The following FSHR variants were observed in gnomAD, a reference collection of about 807,000 sequenced individuals.
FSHR encodes follicle stimulating hormone receptor.
FSHR carries 46 observed loss-of-function variants against 52.1 expected under a neutral mutation model. The ratio of observed to expected loss-of-function variants is 0.88; its 90% confidence interval spans 0.70 to 1.13. The LOEUF (loss-of-function observed/expected upper bound fraction) is 1.13, where lower values mean the gene tolerates loss of function less well. Among genes scored for constraint, FSHR ranks in the 50% most tolerant of loss-of-function variants. The pLI is 0.00. For synonymous variants in FSHR, 399 were observed against 309.6 expected, an observed-to-expected ratio of 1.29 and a Z score of -3.03; for missense variants, 964 against 834.6, an observed-to-expected ratio of 1.16 and a Z score of -1.91.
chr2:48,965,461 A>G (rs1003494529), intron 9 of FSHR, among the ~76,000 whole-genome samples: 6 of 152,176 alleles, frequency 3.9e-5, no homozygotes, highest in African/African-American at 1.2e-4. Flanking sequence ...GGTTTAGTCA[A>G]TGGTCTTCCA....
At chr2:49,064,982 T>G (rs1276065014) in intron 2 of FSHR, among the ~76,000 whole-genome samples, 1 of 152,086 alleles carries the variant, frequency 6.6e-6, no homozygotes, top group African/African-American at 2.4e-5. Flanking sequence ...AAAGTATATT[T>G]TGTTCATTTG....
At chr2:48,976,213 C>T (rs4355167) in intron 8 of FSHR, among the ~76,000 whole-genome samples, 78,997 of 151,942 alleles carry the variant, frequency 0.52, 22,388 homozygotes, top group Non-Finnish European at 0.64. Flanking sequence ...TGAATTTTGT[C>T]GAAGGCATTT....
intron 8 of FSHR, among the ~76,000 whole-genome samples, chr2:48,973,937 C>CAGACATTATTAAG (rs61107875): frequency 0.041 from 6,185 of 151,922 alleles, 428 homozygotes; most frequent in African/African-American, 0.13. Context: ...GCCCTGAGAG[C>CAGACATTATTAAG]AGGCTTTTGT....
chr2:48,998,332 A>G (rs1676116074), intron 4 of FSHR, among the ~76,000 whole-genome samples: 1 of 152,132 alleles, frequency 6.6e-6, no homozygotes, highest in Non-Finnish European at 1.5e-5. Context: ...ATTGGGAAAC[A>G]TGTATGGAAA....
intron 1 of FSHR, among the ~76,000 whole-genome samples, chr2:49,100,070 C>T (rs1558440970): frequency 6.6e-6 from 1 of 152,096 alleles, no homozygotes; most frequent in Non-Finnish European, 1.5e-5. Flanking sequence ...ATTGCAGGCT[C>T]TTTTACACGT....
At chr2:49,035,228 GA>G (rs1274563495) in intron 2 of FSHR, among the ~76,000 whole-genome samples, 2 of 152,242 alleles carry the variant, frequency 1.3e-5, no homozygotes, top group Non-Finnish European at 2.9e-5. Flanking sequence ...GACAGGGACA[GA>G]AATGTTAACA....
intron 4 of FSHR, among the ~76,000 whole-genome samples, chr2:49,015,928 T>G (rs1294793624): frequency 6.6e-6 from 1 of 152,208 alleles, no homozygotes; most frequent in Non-Finnish European, 1.5e-5. Flanking sequence ...TGTGTGCCCA[T>G]GAAGCCAGCC....
intron 1 of FSHR, among the ~76,000 whole-genome samples, chr2:49,113,266 C>T (rs1671487132): frequency 6.6e-6 from 1 of 152,126 alleles, no homozygotes; most frequent in Admixed American, 6.6e-5. Context: ...TATCTCATCG[C>T]CAAAACAGGG....
chr2:49,081,889 T>G (rs1670182923), intron 1 of FSHR, among the ~76,000 whole-genome samples: 1 of 152,172 alleles, frequency 6.6e-6, no homozygotes, highest in Non-Finnish European at 1.5e-5. Flanking sequence ...ATAGAAAGCT[T>G]TCTGGCAGTC....
intron 2 of FSHR, among the ~76,000 whole-genome samples, chr2:49,040,784 C>T (rs1233647323): frequency 6.6e-6 from 1 of 152,064 alleles, no homozygotes; most frequent in African/African-American, 2.4e-5. Context: ...ATAAAAGGGA[C>T]TGTAAAATAA....
intron 1 of FSHR, among the ~76,000 whole-genome samples, chr2:49,113,636 T>G (rs1424478791): frequency 6.6e-6 from 1 of 152,210 alleles, no homozygotes; most frequent in Admixed American, 6.5e-5. Flanking sequence ...TTTCTTCATT[T>G]TTTATTTTCC....
At chr2:49,075,472 T>C (rs1669916484) in intron 1 of FSHR, among the ~76,000 whole-genome samples, 1 of 151,966 alleles carries the variant, frequency 6.6e-6, no homozygotes, top group Admixed American at 6.6e-5. Context: ...AGCTAATTCT[T>C]TGGAAGGATT....
chr2:49,012,050 A>G (rs1471717712), intron 4 of FSHR, among the ~76,000 whole-genome samples: 1 of 152,132 alleles, frequency 6.6e-6, no homozygotes, highest in East Asian at 1.9e-4. Context: ...AACAGGCATC[A>G]TAAGGAGGTC....
At chr2:49,059,241 C>T (rs1370339386) in intron 2 of FSHR, among the ~76,000 whole-genome samples, 1 of 151,900 alleles carries the variant, frequency 6.6e-6, no homozygotes, top group African/African-American at 2.4e-5. Flanking sequence ...CAGCCAACAA[C>T]AATGCCGTCA....
chr2:49,112,279 A>G (rs1044809872), intron 1 of FSHR, among the ~76,000 whole-genome samples: 4 of 152,098 alleles, frequency 2.6e-5, no homozygotes, highest in Non-Finnish European at 5.9e-5. Context: ...GGGAAATGCC[A>G]TTTTTTTCCC....
chr2:48,997,003 A>T (rs1342767264), intron 4 of FSHR, among the ~76,000 whole-genome samples: 1 of 152,104 alleles, frequency 6.6e-6, no homozygotes, highest in African/African-American at 2.4e-5. Context: ...AGATGCTAAC[A>T]TATGCTTTCT....
chr2:49,135,335 T>C (rs952087940), intron 1 of FSHR, among the ~76,000 whole-genome samples: 1 of 152,058 alleles, frequency 6.6e-6, no homozygotes, highest in African/African-American at 2.4e-5. Context: ...CTCACAAATA[T>C]GTCAAAATTA....
intron 1 of FSHR, among the ~76,000 whole-genome samples, chr2:49,070,460 C>T (rs1572704232): frequency 6.6e-6 from 1 of 152,106 alleles, no homozygotes; most frequent in Admixed American, 6.6e-5. Flanking sequence ...TCCTATTTAA[C>T]ACAAGACAGA....
rs574137513 is a variant in FSHR, at chr2:49,053,266, G to A, written c.224+14953C>T. On this transcript the variant is annotated intron_variant, in intron 2 of 9. Coordinates refer to ENST00000406846, the MANE Select transcript of FSHR (RefSeq NM_000145.4). ...CAGCTGATGTTGATTGGTCTCATTTGCATATTCATCATGCTCCTATTTCCA... is the reference window on the plus strand; with the variant it reads ...CAGCTGATGTTGATTGGTCTCATTTACATATTCATCATGCTCCTATTTCCA... Among the ~76,000 whole-genome samples, 12 of 152,232 alleles carry A rather than the reference G, an allele frequency of 7.9e-5. No individual in the cohort carries two copies. In the South Asian group the frequency reaches 1.7e-3, roughly 21 times the overall value.
Sources: gnomAD v4.1 joint callset for allele counts (sites outside exome capture counted in the v4.1 genomes callset) on GRCh38, gnomAD v4.1.1 for gene constraint, MANE v1.5 for transcripts, NCBI Gene and HGNC (gene_info 2026-07-23, HGNC 2026-07-21) for gene names.